MCTP2: variants seen among roughly 807,000 people sequenced by gnomAD.
MCTP2 encodes the protein multiple C2 and transmembrane domain containing 2, also known as multiple C2 and transmembrane domain-containing protein 2.
A neutral mutation model predicts 111.6 loss-of-function variants in MCTP2; 132 were observed. That is an observed-to-expected ratio of 1.18 (90% CI 1.03 to 1.37). MCTP2 has a LOEUF of 1.37. Among genes scored for constraint, MCTP2 ranks in the 40% most tolerant of loss-of-function variants. The pLI is 0.00. For synonymous variants in MCTP2, 395 were observed against 387.7 expected (o/e 1.02, Z -0.22); for missense variants, 1,183 against 1,067.9 (o/e 1.11, Z -1.50).
At chr15:94,235,267 A>C (rs1462663376) in intron 1 of MCTP2, among the ~76,000 whole-genome samples, 1 of 151,852 alleles carries the variant, frequency 6.6e-6, no homozygotes, top group Non-Finnish European at 1.5e-5. Context: ...AAAAAAAAAA[A>C]AATCCCTGGT....
intron 1 of MCTP2, among the ~76,000 whole-genome samples, chr15:94,292,025 C>T (rs911979193): frequency 6.6e-6 from 1 of 152,018 alleles, no homozygotes; most frequent in Admixed American, 6.6e-5. Flanking sequence ...ATTTAGCCAC[C>T]ACCTTAAGAA....
At position 94,238,954 on chromosome 15, in the gene MCTP2, G is replaced by T. The variant is rs574714439; in HGVS notation, c.-66+7290G>T. On this transcript the variant is annotated intron_variant, in intron 1 of 22. Transcript: ENST00000357742. The stretch of plus-strand genomic sequence containing the variant: ...GCATTAAACCTATCTGTGTGACCAC[G>T]CCCATGTTCTGTGAAGGGTTTTGAA... 2.0e-5 allele frequency among the ~76,000 whole-genome samples: 3 copies of T among 150,726 alleles called. No individual in the cohort carries two copies. In the East Asian group the frequency reaches 5.8e-4, roughly 29 times the overall value.
chr15:94,329,249 C>T (rs935130613), intron 4 of MCTP2, among the ~76,000 whole-genome samples: 2 of 152,112 alleles, frequency 1.3e-5, no homozygotes, highest in Admixed American at 1.3e-4. Context: ...GGGTTCAAGG[C>T]TCAGCTCTGA....
intron 7 of MCTP2, chr15:94,344,102 T>TTA (rs2077825341): frequency 6.6e-6 from 1 of 151,690 alleles, no homozygotes; most frequent in African/African-American, 2.4e-5. Context: ...AATATCCAGG[T>TTA]TATAGTACCT....
rs68175885 is a variant in MCTP2, at chr15:94,268,778, C to CTTT, written c.-65-29409_-65-29407dup. 1.7e-4 allele frequency among the ~76,000 whole-genome samples: 24 copies of CTTT among 138,006 alleles called. 1 individual carries two copies. Among genetic ancestry groups the CTTT allele is most frequent in the Middle Eastern group, 3.8e-3 (1 of 264 alleles). The allele number at this position is 138,006 out of a possible 152,430, so 90.5% of individuals were successfully genotyped here. On this transcript the variant is annotated intron_variant, in intron 1 of 22. Coordinates refer to ENST00000357742, the MANE Select transcript of MCTP2 (RefSeq NM_001385001.1). ...TACTCAGGTAACATTTCTACATTGACTTTTTTTTTTTTTTTTGAGGAGATA... is the reference window on the plus strand; with the variant it reads ...TACTCAGGTAACATTTCTACATTGACTTTTTTTTTTTTTTTTTTTGAGGAGATA...
At chr15:94,305,611 T>C (rs1202756838) in intron 2 of MCTP2, among the ~76,000 whole-genome samples, 1 of 152,218 alleles carries the variant, frequency 6.6e-6, no homozygotes, top group East Asian at 1.9e-4. Flanking sequence ...AGAAATGTCA[T>C]TTTTCTTCTT....
At chr15:94,289,537 G>C (rs1445426293) in intron 1 of MCTP2, among the ~76,000 whole-genome samples, 1 of 152,110 alleles carries the variant, frequency 6.6e-6, no homozygotes, top group African/African-American at 2.4e-5. Context: ...GGAAATGCAA[G>C]TGAAAAATAC....
At chr15:94,245,400 G>A (rs1161699314) in intron 1 of MCTP2, among the ~76,000 whole-genome samples, 2 of 51,272 alleles carry the variant, frequency 3.9e-5, no homozygotes, top group Non-Finnish European at 9.6e-5. Context: ...ATATACATGT[G>A]TGTATATATT....
At chr15:94,340,161 C>T (rs575755507) in intron 5 of MCTP2, 38 bp from the exon 6 acceptor site, 2 of 1,409,616 alleles carry the variant, frequency 1.4e-6, no homozygotes, top group East Asian at 2.3e-5. Context: ...GTTGGTTTAC[C>T]ATAATAATGT....
chr15:94,459,529 A>G (rs1023947721), intron 20 of MCTP2, among the ~76,000 whole-genome samples: 3 of 152,240 alleles, frequency 2.0e-5, no homozygotes, highest in African/African-American at 7.2e-5. Context: ...ATTTACAGTT[A>G]TACCCATTAT....
At chr15:94,463,930 A>G (rs1047711098) in intron 20 of MCTP2, among the ~76,000 whole-genome samples, 2 of 151,932 alleles carry the variant, frequency 1.3e-5, no homozygotes, top group African/African-American at 4.8e-5. Context: ...TAAACCCAAC[A>G]TTATTGTTCT....
At chr15:94,266,192 A>G (rs1009118338) in intron 1 of MCTP2, among the ~76,000 whole-genome samples, 1 of 152,212 alleles carries the variant, frequency 6.6e-6, no homozygotes, top group Non-Finnish European at 1.5e-5. Flanking sequence ...TTCTTGCATC[A>G]GAGCAGCTCC....
At chr15:94,334,069 T>A (rs1452746246) in intron 4 of MCTP2, among the ~76,000 whole-genome samples, 1 of 152,208 alleles carries the variant, frequency 6.6e-6, no homozygotes, top group Non-Finnish European at 1.5e-5. Context: ...TAATTACTGC[T>A]GCATGCATTG....
At chr15:94,442,693 A>G (rs1036661399) in intron 18 of MCTP2, among the ~76,000 whole-genome samples, 2 of 152,332 alleles carry the variant, frequency 1.3e-5, no homozygotes, top group African/African-American at 4.8e-5. Flanking sequence ...GCACTGGCCT[A>G]ATAGCTTTAT....
chr15:94,341,163 ACATTTGCAG>A (rs2077621013), intron 7 of MCTP2: 1 of 439,150 alleles, frequency 2.3e-6, no homozygotes, highest in Admixed American at 3.8e-5. Context: ...GATCAGGCAT[ACATTTGCAG>A]CATTTTGGTT....
chr15:94,390,049 CATATATAT>C lies in MCTP2; in HGVS notation c.1788+4557_1788+4564del, dbSNP rs1169783409. ...CATTATTGATGGTGAATGTTCAAGGCATATATATATATATATATATATATATATATATA... is the reference window on the plus strand; with the variant it reads ...CATTATTGATGGTGAATGTTCAAGGCATATATATATATATATATATATATA... On this transcript the variant is annotated intron_variant, in intron 14 of 22. Transcript: ENST00000357742. Among the ~76,000 whole-genome samples the C allele has an allele frequency of 2.3e-3, 252 of 109,606 alleles. 3 individuals carry two copies. The highest frequency in any genetic ancestry group is 3.5e-3 in the South Asian group (10 of 2,840). 71.9% of individuals were successfully genotyped at this position (109,606 alleles called of 152,430 possible).
At chr15:94,269,607 T>C (rs887316183) in intron 1 of MCTP2, among the ~76,000 whole-genome samples, 2 of 152,228 alleles carry the variant, frequency 1.3e-5, no homozygotes, top group Admixed American at 1.3e-4. Context: ...GGCTCCCATA[T>C]ATGTGATTAG....
intron 17 of MCTP2, among the ~76,000 whole-genome samples, chr15:94,438,080 A>C (rs1009894087): frequency 4.6e-5 from 7 of 152,140 alleles, no homozygotes; most frequent in Admixed American, 3.9e-4. Context: ...ACTGAACATT[A>C]AAGGTAGAAA....
intron 20 of MCTP2, among the ~76,000 whole-genome samples, chr15:94,464,790 A>T (rs1435709047): frequency 1.3e-5 from 2 of 152,062 alleles, no homozygotes; most frequent in East Asian, 3.8e-4. Context: ...ATGTATTGCT[A>T]AATTTCCAAG....
Sources: gnomAD v4.1 joint callset for allele counts (sites outside exome capture counted in the v4.1 genomes callset) on GRCh38, gnomAD v4.1.1 for gene constraint, MANE v1.5 for transcripts, NCBI Gene and HGNC (gene_info 2026-07-23, HGNC 2026-07-21) for gene names.